ST18: variants seen among roughly 807,000 people sequenced by gnomAD.
ST18 encodes the protein ST18 C2H2C-type zinc finger transcription factor, also known as suppression of tumorigenicity 18 protein.
Under a neutral mutation model 110.0 loss-of-function variants are expected in ST18, and 50 were observed. The observed-to-expected ratio is 0.45, with a 90% CI of 0.36 to 0.58. The LOEUF (loss-of-function observed/expected upper bound fraction) is 0.58, where lower values mean the gene tolerates loss of function less well. ST18 is among the 20% of genes least tolerant of loss of function. The pLI, the probability that ST18 is intolerant of heterozygous loss-of-function variation, is 0.00. For missense variants in ST18, 1,306 were observed against 1,280.1 expected, an observed-to-expected ratio of 1.02 and a Z score of -0.31; for synonymous variants, 461 against 452.4, an observed-to-expected ratio of 1.02 and a Z score of -0.24.
At chr8:52,370,405 C>T (rs930535563) in intron 2 of ST18, among the ~76,000 whole-genome samples, 2 of 145,754 alleles carry the variant, frequency 1.4e-5, no homozygotes, top group African/African-American at 2.7e-5. Flanking sequence ...TGTGTGCATG[C>T]GTGTGACTGT....
At chr8:52,338,083 A>G (rs1812985056) in intron 2 of ST18, among the ~76,000 whole-genome samples, 1 of 152,030 alleles carries the variant, frequency 6.6e-6, no homozygotes, top group African/African-American at 2.4e-5. Context: ...TTTGAGACAG[A>G]GTGTCACTTT....
intron 15 of ST18, among the ~76,000 whole-genome samples, chr8:52,151,320 A>G (rs1191325873): frequency 1.3e-5 from 2 of 151,994 alleles, no homozygotes; most frequent in African/African-American, 2.4e-5. Flanking sequence ...TGTATTTTCA[A>G]TCTCTCAGCC....
chr8:52,152,397 T>G (rs756449611), intron 15 of ST18, among the ~76,000 whole-genome samples: 10 of 152,162 alleles, frequency 6.6e-5, no homozygotes, highest in Non-Finnish European at 1.2e-4. Flanking sequence ...CCCCACCCCC[T>G]CAATCTTCTA....
intron 2 of ST18, among the ~76,000 whole-genome samples, chr8:52,251,562 A>G (rs2094309279): frequency 6.6e-6 from 1 of 151,950 alleles, no homozygotes; most frequent in Admixed American, 6.6e-5. Flanking sequence ...ATAAAAATCA[A>G]CACCGCATTG....
chr8:52,276,137 C>CACACAA (rs2095243660), intron 2 of ST18, among the ~76,000 whole-genome samples: 1 of 6,260 alleles, frequency 1.6e-4, no homozygotes, highest in Non-Finnish European at 3.8e-4. Flanking sequence ...ACCACACACA[C>CACACAA]ACCACATGCA....
At chr8:52,303,002 CA>C (rs933240767) in intron 2 of ST18, among the ~76,000 whole-genome samples, 2 of 151,822 alleles carry the variant, frequency 1.3e-5, no homozygotes, top group South Asian at 2.1e-4. Context: ...CCTCCCATTC[CA>C]AAAAAAGAAT....
intron 11 of ST18, among the ~76,000 whole-genome samples, chr8:52,166,380 A>G (rs558417958): frequency 5.9e-5 from 9 of 152,228 alleles, no homozygotes; most frequent in African/African-American, 1.9e-4. Flanking sequence ...CCTCTGGGGC[A>G]CTGTTCTTCT....
chr8:52,143,122 T>C (rs2055880794), intron 16 of ST18, 77 bp from the exon 17 acceptor site: 6 of 919,490 alleles, frequency 6.5e-6, no homozygotes, highest in South Asian at 5.8e-5. Flanking sequence ...TTTAAAATCA[T>C]TGAAGCCAGG....
At chr8:52,356,070 T>G (rs867340971) in intron 2 of ST18, among the ~76,000 whole-genome samples, 2 of 152,144 alleles carry the variant, frequency 1.3e-5, no homozygotes, top group Non-Finnish European at 2.9e-5. Context: ...AAAGTTCCCA[T>G]GTACACAAGG....
At position 52,119,520 on chromosome 8, in the gene ST18, A is replaced by T. The variant is rs372898205; in HGVS notation, c.2756-1079T>A. Among the ~76,000 whole-genome samples, 157 of 152,270 alleles carry T rather than the reference A, an allele frequency of 1.0e-3. 1 individual carries two copies. Among genetic ancestry groups the T allele is most frequent in the African/African-American group, 3.3e-3 (139 of 41,554 alleles). On this transcript the variant is annotated intron_variant, in intron 23 of 25. Coordinates refer to ENST00000689386, the MANE Select transcript of ST18 (RefSeq NM_001352837.2). ...GAGATCTGGGCTCTTATACTTTCCT[A>T]GGGTGACTACTTTGGGAAATAATCC... is the stretch of plus-strand genomic sequence containing the variant.
intron 15 of ST18, among the ~76,000 whole-genome samples, chr8:52,157,446 G>C (rs572506395): frequency 5.3e-5 from 8 of 152,170 alleles, no homozygotes. Flanking sequence ...TAAGAAGGAA[G>C]CGATTTTAGT....
intron 2 of ST18, among the ~76,000 whole-genome samples, chr8:52,377,192 GA>G (rs1194289239): frequency 4.0e-5 from 6 of 151,818 alleles, no homozygotes; most frequent in African/African-American, 2.4e-5. Flanking sequence ...TTTCAAACTA[GA>G]AAAAAAATAA....
intron 2 of ST18, among the ~76,000 whole-genome samples, chr8:52,364,070 T>C (rs1015990449): frequency 1.3e-5 from 2 of 152,248 alleles, no homozygotes; most frequent in East Asian, 3.8e-4. Flanking sequence ...CCTGACAGTA[T>C]GGATTATTCA....
At chr8:52,137,314 CA>C in intron 18 of ST18, 106 bp downstream of exon 18, 2 of 1,159,176 alleles carry the variant, frequency 1.7e-6, no homozygotes, top group Non-Finnish European at 2.4e-6. Flanking sequence ...AAAACCCAAC[CA>C]ACTCATTTCC....
chr8:52,289,726 C>G (rs16917634), intron 2 of ST18, among the ~76,000 whole-genome samples: 2,604 of 152,238 alleles, frequency 0.017, 65 homozygotes, highest in African/African-American at 0.06. Flanking sequence ...GTCAAATTCA[C>G]TCTCTCACCC....
At chr8:52,203,354 C>T (rs1287421625) in intron 8 of ST18, among the ~76,000 whole-genome samples, 1 of 152,104 alleles carries the variant, frequency 6.6e-6, no homozygotes, top group African/African-American at 2.4e-5. Context: ...GTTCTTTCCA[C>T]CACACAAACT....
At chr8:52,311,711 A>C (rs1485479276) in intron 2 of ST18, among the ~76,000 whole-genome samples, 2 of 152,204 alleles carry the variant, frequency 1.3e-5, no homozygotes, top group African/African-American at 4.8e-5. Flanking sequence ...ATTGTCAAAC[A>C]TATATAAAAC....
intron 15 of ST18, among the ~76,000 whole-genome samples, chr8:52,158,117 G>T (rs961062798): frequency 6.6e-6 from 1 of 152,186 alleles, no homozygotes; most frequent in East Asian, 1.9e-4. Context: ...TCTGTGGATC[G>T]CTGTGACTGT....
At chr8:52,170,097 C>T (rs890731449) in intron 10 of ST18, among the ~76,000 whole-genome samples, 14 of 151,964 alleles carry the variant, frequency 9.2e-5, no homozygotes, top group African/African-American at 3.4e-4. Context: ...TTTAACAAAA[C>T]AAAAGAAATC....
Sources: allele counts gnomAD v4.1 joint callset (sites outside exome capture counted in the v4.1 genomes callset), GRCh38; gene constraint gnomAD v4.1.1; transcripts MANE v1.5; gene names NCBI Gene and HGNC (gene_info 2026-07-23, HGNC 2026-07-21).